ACER3: variants seen among roughly 807,000 people sequenced by gnomAD.
ACER3 encodes alkaline ceramidase 3, also known as alkCDase 3.
ACER3 carries 16 observed loss-of-function variants against 48.9 expected under a neutral mutation model. That is an observed-to-expected ratio of 0.33 (90% confidence interval 0.22 to 0.50). The LOEUF (loss-of-function observed/expected upper bound fraction) is 0.50, where lower values mean the gene tolerates loss of function less well. ACER3 is among the 20% of genes least tolerant of loss of function. ACER3 has a pLI of 0.98. For synonymous variants in ACER3, 109 were observed against 107.8 expected, an observed-to-expected ratio of 1.01 and a Z score of -0.07; for missense variants, 227 against 326.0, an observed-to-expected ratio of 0.70 and a Z score of 2.34.
chr11:76,866,919 T>C (rs1208571830), intron 1 of ACER3, among the ~76,000 whole-genome samples: 3 of 152,192 alleles, frequency 2.0e-5, no homozygotes, highest in African/African-American at 7.2e-5. Flanking sequence ...GAATAAGATT[T>C]ACCTACAGCT....
At chr11:76,980,125 G>A (rs1255536478) in intron 4 of ACER3, among the ~76,000 whole-genome samples, 1 of 151,956 alleles carries the variant, frequency 6.6e-6, no homozygotes, top group African/African-American at 2.4e-5. Context: ...GAAACAGAGG[G>A]AGACCCTGTC....
At chr11:76,940,778 T>C (rs1254175815) in intron 2 of ACER3, among the ~76,000 whole-genome samples, 1 of 152,210 alleles carries the variant, frequency 6.6e-6, no homozygotes, top group African/African-American at 2.4e-5. Flanking sequence ...GTCCCTTCTA[T>C]AAGACGAAGC....
chr11:76,986,593 T>A (rs1341087933), intron 5 of ACER3, among the ~76,000 whole-genome samples: 1 of 152,244 alleles, frequency 6.6e-6, no homozygotes, highest in Admixed American at 6.5e-5. Context: ...ATTGTAACTA[T>A]GTACTTTACC....
At chr11:76,974,800 T>C (rs776140961) in intron 3 of ACER3, among the ~76,000 whole-genome samples, 47 of 152,112 alleles carry the variant, frequency 3.1e-4, no homozygotes, top group Non-Finnish European at 5.7e-4. Context: ...AATTTTATGG[T>C]ATGTAAGTTA....
chr11:76,898,006 A>G (rs1945978913), intron 1 of ACER3, among the ~76,000 whole-genome samples: 1 of 152,112 alleles, frequency 6.6e-6, no homozygotes, highest in Admixed American at 6.5e-5. Flanking sequence ...AGTAATTTTT[A>G]TTGCTTCATA....
chr11:77,000,218 A>G (rs4944133), intron 7 of ACER3, among the ~76,000 whole-genome samples: 60,676 of 151,996 alleles, frequency 0.4, 14,812 homozygotes, highest in Non-Finnish European at 0.56. Flanking sequence ...TGCCATATGT[A>G]TATGTATTCT....
At position 77,022,725 on chromosome 11, in the gene ACER3, A is replaced by G. The variant is rs1949490287; in HGVS notation, c.*2398A>G. 1 of 165,790 alleles carries G rather than the reference A, an allele frequency of 6.0e-6. No homozygotes were observed. The highest frequency in any genetic ancestry group is 2.4e-5 in the African/African-American group (1 of 42,120). The allele number at this position is 165,790 out of a possible 1,614,324, so 10.3% of individuals were successfully genotyped here. A position where few individuals can be genotyped will look rare whatever the true frequency, so the allele number is the denominator to read the frequency against. The stretch of plus-strand genomic sequence containing the variant: ...ACTTCATGTTAACTAGAGTGTACAA[A>G]AAGTCTGTTTCCTGCTGAGCCAATA... On this transcript the variant is annotated 3_prime_UTR_variant, in exon 11 of 11. Transcript: ENST00000532485.
intron 1 of ACER3, among the ~76,000 whole-genome samples, chr11:76,907,336 C>G (rs896396236): frequency 2.3e-5 from 3 of 132,672 alleles, no homozygotes; most frequent in African/African-American, 7.3e-5. Context: ...TCACTAGACA[C>G]TATTTCAAGC....
At chr11:76,861,437 G>A (rs977187813) in intron 1 of ACER3, among the ~76,000 whole-genome samples, 3 of 152,080 alleles carry the variant, frequency 2.0e-5, no homozygotes, top group African/African-American at 7.2e-5. Flanking sequence ...GGAGAGTGGA[G>A]GACCCTGCCC....
At chr11:76,971,413 G>A (rs7114367) in intron 3 of ACER3, among the ~76,000 whole-genome samples, 16,363 of 151,848 alleles carry the variant, frequency 0.11, 2,907 homozygotes, top group African/African-American at 0.37. Flanking sequence ...GGTGGCACGC[G>A]CCCACAGTCC....
At chr11:76,884,321 G>A (rs1326929075) in intron 1 of ACER3, among the ~76,000 whole-genome samples, 1 of 151,988 alleles carries the variant, frequency 6.6e-6, no homozygotes, top group Non-Finnish European at 1.5e-5. Context: ...CCTTTTCTCA[G>A]AGATCACATT....
rs1947180214 is a variant in ACER3 at position 76,936,217 on chromosome 11, T to C, written c.214+9550T>C. ...GAATTAGAATAGTATAGCACTGATA[T>C]TCCAATAGACCATACAGTAGAGTTT... On this transcript the variant is annotated intron_variant, in intron 2 of 10. Coordinates refer to ENST00000532485, the MANE Select transcript of ACER3 (RefSeq NM_018367.7). Among the ~76,000 whole-genome samples, 3 of 152,190 alleles carry C rather than the reference T, an allele frequency of 2.0e-5. No individual in the cohort carries two copies. The South Asian group carries it at 6.2e-4, about 31-fold the overall frequency.
At chr11:76,981,831 G>T (rs1398139083) in intron 4 of ACER3, among the ~76,000 whole-genome samples, 2 of 152,160 alleles carry the variant, frequency 1.3e-5, no homozygotes, top group Non-Finnish European at 2.9e-5. Context: ...TGAATAAAGG[G>T]ACCATGGACA....
chr11:76,964,010 C>T (rs1404773884), intron 3 of ACER3, among the ~76,000 whole-genome samples: 4 of 151,346 alleles, frequency 2.6e-5, no homozygotes, highest in Non-Finnish European at 5.9e-5. Context: ...CAAAGCAGGG[C>T]GAGGCATCGC....
intron 7 of ACER3, among the ~76,000 whole-genome samples, chr11:77,005,960 T>TATA (rs2135287170): frequency 2.5e-5 from 2 of 78,482 alleles, no homozygotes; most frequent in East Asian, 8.1e-4. Context: ...ATATGTATAT[T>TATA]ATATATATAT....
chr11:76,922,326 T>G (rs528715214), intron 1 of ACER3, among the ~76,000 whole-genome samples: 1 of 152,318 alleles, frequency 6.6e-6, no homozygotes, highest in East Asian at 1.9e-4. Flanking sequence ...TTCAGCTAAA[T>G]TTAATACTAC....
intron 2 of ACER3, among the ~76,000 whole-genome samples, chr11:76,943,573 C>T (rs1335089498): frequency 6.6e-6 from 1 of 151,826 alleles, no homozygotes; most frequent in East Asian, 1.9e-4. Flanking sequence ...ATTTTGTGGC[C>T]TAACATGGTA....
Position 77,020,303 on chromosome 11 carries a change from G to T in ACER3, c.780G>T (p.Leu260=), listed in dbSNP as rs1280803317. ...KFLFGIWPVI[L]FEPLRKH is the part of the protein sequence containing the mutation. ...TCTTTGGAATCTGGCCAGTGATCCT[G>T]TTTGAGCCTCTCAGGAAGCATTGAT... is the stretch of plus-strand genomic sequence containing the variant. Residue 260 remains leucine (L), a synonymous_variant, in exon 11 of 11, where the codon CTG becomes CTT. Coordinates refer to ENST00000532485, the MANE Select transcript of ACER3 (RefSeq NM_018367.7). 6.2e-7 allele frequency: 1 copy of T among 1,613,770 alleles called. No homozygotes were observed. Among genetic ancestry groups the T allele is most frequent in the South Asian group, 1.1e-5 (1 of 91,064 alleles).
chr11:76,997,216 C>T (rs1438577621), intron 6 of ACER3, among the ~76,000 whole-genome samples: 1 of 152,130 alleles, frequency 6.6e-6, no homozygotes, highest in East Asian at 1.9e-4. Flanking sequence ...GTAACTGCTA[C>T]GTGAGCTTCA....
Sources: gnomAD v4.1 joint callset for allele counts (sites outside exome capture counted in the v4.1 genomes callset) on GRCh38, gnomAD v4.1.1 for gene constraint, MANE v1.5 for transcripts, NCBI Gene and HGNC (gene_info 2026-07-23, HGNC 2026-07-21) for gene names.